Variants in MMP17 observed in about 807,000 individuals in gnomAD.
The protein encoded by MMP17 is matrix metallopeptidase 17.
A neutral mutation model predicts 49.1 loss-of-function variants in MMP17; 54 were observed. The ratio of observed to expected loss-of-function variants is 1.10; its 90% CI spans 0.88 to 1.38. The LOEUF (loss-of-function observed/expected upper bound fraction) is 1.38. MMP17 is among the 40% of genes most tolerant of loss of function. The pLI is 0.00. For missense variants in MMP17, 837 were observed against 853.7 expected (o/e 0.98, Z 0.24); for synonymous variants, 397 against 383.1 (o/e 1.04, Z -0.42).
At chr12:131,844,711 T>C in intron 6 of MMP17, 1 of 239,030 alleles carries the variant, frequency 4.2e-6, no homozygotes, top group Non-Finnish European at 8.4e-6. Flanking sequence ...ACATGCACCT[T>C]GTCCCTGACC....
chr12:131,846,172 C>T lies in MMP17; in HGVS notation c.1204+723C>T, dbSNP rs746268679. ...AGTTTCCCTCACAGTCTGGAGGCCACGAGTCCGAAATCAAGGGCTAGGCAG... is the reference window on the plus strand; with the variant it reads ...AGTTTCCCTCACAGTCTGGAGGCCATGAGTCCGAAATCAAGGGCTAGGCAG... On this transcript the variant is annotated intron_variant, in intron 8 of 9. Coordinates refer to ENST00000360564, the MANE Select transcript of MMP17 (RefSeq NM_016155.7). This position sits in a 1 kb window ranked among gnomAD's most constrained non-coding sequence, Gnocchi z 4.6. 1.8e-4 allele frequency among the ~76,000 whole-genome samples: 28 copies of T among 152,218 alleles called. No individual in the cohort carries two copies. The highest frequency in any genetic ancestry group is 3.4e-3 in the Middle Eastern group (1 of 294).
chr12:131,843,123 C>T (rs1003142194), intron 5 of MMP17, among the ~76,000 whole-genome samples: 6 of 151,714 alleles, frequency 4.0e-5, no homozygotes, highest in Non-Finnish European at 5.9e-5. Context: ...GCCACCACGC[C>T]CGGCTAATTT....
At chr12:131,831,311 G>T (rs374742719) in intron 1 of MMP17, among the ~76,000 whole-genome samples, 2 of 152,188 alleles carry the variant, frequency 1.3e-5, no homozygotes, top group Non-Finnish European at 2.9e-5. Context: ...CCGCGCCCAC[G>T]GCACAGTGGC....
chr12:131,840,861 G>A lies in MMP17; in HGVS notation c.706+5G>A, dbSNP rs778278643. On this transcript the variant is annotated splice_donor_5th_base_variant and intron_variant, in intron 4 of 9. Coordinates refer to ENST00000360564, the MANE Select transcript of MMP17 (RefSeq NM_016155.7). Reference sequence around the variant, plus strand: ...CCTGGACCTTCCGCTCCTCGGGTGCGTCTGGGGCAGCCCTCAGGGCAGAGT... The same window carrying A: ...CCTGGACCTTCCGCTCCTCGGGTGCATCTGGGGCAGCCCTCAGGGCAGAGT... 8.7e-5 allele frequency: 138 copies of A among 1,585,674 alleles called. No individual in the cohort carries two copies. Among genetic ancestry groups the A allele is most frequent in the East Asian group, 1.1e-4 (5 of 44,476 alleles).
chr12:131,844,225 C>A, intron 6 of MMP17, 144 bp downstream of exon 6: 1 of 712,492 alleles, frequency 1.4e-6, no homozygotes, highest in Non-Finnish European at 2.4e-6. Flanking sequence ...GACATTTTGT[C>A]TTTTCTTAAA....
In MMP17 at chr12:131,840,664, C is replaced by T. The variant is rs1405136612; in HGVS notation, c.514C>T (p.Pro172Ser). The T allele has an allele frequency of 6.2e-7, 1 of 1,608,728 alleles. No homozygotes were observed. Among genetic ancestry groups the T allele is most frequent in the South Asian group, 1.1e-5 (1 of 91,092 alleles). Residue 172 changes from proline to serine, a missense_variant, in exon 4 of 10, where the codon CCC becomes TCC. Physicochemically the swap from Pro to Ser is moderately conservative, Grantham distance 74. Transcript: ENST00000360564. ...CCTCAAGGTCTGGAGCGACATTGCGCCCCTGAACTTCCACGAGGTGGCGGG... is the reference window on the plus strand; with the variant it reads ...CCTCAAGGTCTGGAGCGACATTGCGTCCCTGAACTTCCACGAGGTGGCGGG... ...YALKVWSDIA[P>S]LNFHEVAGSA...
intron 1 of MMP17, among the ~76,000 whole-genome samples, chr12:131,832,695 G>A (rs1040224705): frequency 1.3e-5 from 2 of 152,068 alleles, no homozygotes; most frequent in African/African-American, 2.4e-5. Flanking sequence ...CAGGACGGCA[G>A]GGACAGGACG....
chr12:131,851,358 G>A lies in MMP17; in HGVS notation c.*84G>A. 5 of 1,235,092 alleles carry A rather than the reference G, an allele frequency of 4.0e-6. No homozygotes were observed. The highest frequency in any genetic ancestry group is 5.2e-6 in the Non-Finnish European group (5 of 964,364). The allele number at this position is 1,235,092 out of a possible 1,614,324, so 76.5% of individuals were successfully genotyped here. ...AAGGACTGTGCCGGAGTCCCTGGGG[G>A]AGGTGCTGGCGCGGGATGAGGACGG... On this transcript the variant is annotated 3_prime_UTR_variant, in exon 10 of 10. Transcript: ENST00000360564.
In MMP17 at chr12:131,838,226, CG is replaced by C. The variant is rs1453219251; in HGVS notation, c.193del (p.Ala65LeufsTer40). The C allele has an allele frequency of 9.3e-6, 15 of 1,612,908 alleles. No homozygotes were observed. Among genetic ancestry groups the C allele is most frequent in the Non-Finnish European group, 1.3e-5 (15 of 1,179,870 alleles). On this transcript the variant is annotated frameshift_variant, in exon 2 of 10. Transcript: ENST00000360564. Reference protein sequence around the residue: ...EWLSRFGYLPPADPTTGQLQT... With the variant: ...EWLSRFGYLPXADPTTGQLQT... ...CTAAGCAGGTTCGGTTACCTGCCCC[CG>C]GCTGACCCCACAACAGGGCAGCTGC...
chr12:131,830,875 G>T (rs1886758555), intron 1 of MMP17, among the ~76,000 whole-genome samples: 1 of 152,228 alleles, frequency 6.6e-6, no homozygotes, highest in Non-Finnish European at 1.5e-5. Flanking sequence ...CTGTCCCCCC[G>T]GGGGTCCTTG....
At chr12:131,830,128 G>A (rs1886716358) in intron 1 of MMP17, among the ~76,000 whole-genome samples, 1 of 152,242 alleles carries the variant, frequency 6.6e-6, no homozygotes, top group Non-Finnish European at 1.5e-5. Flanking sequence ...ACTCAAGGTG[G>A]GGCCCACACA....
At chr12:131,845,539 C>T in intron 8 of MMP17, 90 bp downstream of exon 8, 1 of 1,435,156 alleles carries the variant, frequency 7.0e-7, no homozygotes, top group Non-Finnish European at 9.2e-7. Flanking sequence ...GCGTGTAAGC[C>T]CTACGTCTGC....
intron 3 of MMP17, among the ~76,000 whole-genome samples, chr12:131,839,713 C>T (rs527272354): frequency 1.3e-5 from 2 of 152,220 alleles, no homozygotes; most frequent in South Asian, 2.1e-4. Flanking sequence ...TTTGGGAGGC[C>T]AAGGCGGGCG....
intron 1 of MMP17, among the ~76,000 whole-genome samples, chr12:131,834,885 A>G (rs1887000860): frequency 6.6e-6 from 1 of 152,058 alleles, no homozygotes; most frequent in South Asian, 2.1e-4. Context: ...TCTTCCCTGC[A>G]GGCTCAGGCC....
rs967794254 is a variant in MMP17, at chr12:131,828,424, G to A, written c.-71G>A. 41 of 880,966 alleles carry A rather than the reference G, an allele frequency of 4.7e-5. No individual in the cohort carries two copies. In the African/African-American group the frequency reaches 7.1e-4, roughly 15 times the overall value. 54.6% of individuals were successfully genotyped at this position (880,966 alleles called of 1,614,324 possible). ...GCGGGGGCGCCGCGGAGAGCGGAGG[G>A]CGCCGGGCTGCGGAACGCGAAGCGG... On this transcript the variant is annotated 5_prime_UTR_variant, in exon 1 of 10. Transcript: ENST00000360564.
intron 5 of MMP17, among the ~76,000 whole-genome samples, chr12:131,842,077 C>T (rs1887446512): frequency 6.6e-6 from 1 of 152,320 alleles, no homozygotes; most frequent in Middle Eastern, 3.4e-3. Flanking sequence ...TCACATTGCA[C>T]GTCTTAAATC....
intron 1 of MMP17, among the ~76,000 whole-genome samples, chr12:131,834,962 C>A (rs1024030339): frequency 6.6e-6 from 1 of 152,216 alleles, no homozygotes; most frequent in Non-Finnish European, 1.5e-5. Context: ...GAGGGCGCCT[C>A]GTGGGCTCAG....
intron 8 of MMP17, 113 bp downstream of exon 8, chr12:131,845,562 C>T (rs1021388094): frequency 4.4e-6 from 6 of 1,355,264 alleles, no homozygotes; most frequent in East Asian, 5.0e-5. Flanking sequence ...AGAGGCTGGT[C>T]GAGCACAGAG....
At chr12:131,831,275 G>A (rs1004221222) in intron 1 of MMP17, among the ~76,000 whole-genome samples, 9 of 152,174 alleles carry the variant, frequency 5.9e-5, no homozygotes, top group Non-Finnish European at 8.8e-5. Context: ...TTCTCCTCTC[G>A]GCAGCACAGC....
Sources: allele counts gnomAD v4.1 joint callset (sites outside exome capture counted in the v4.1 genomes callset), GRCh38; gene constraint gnomAD v4.1.1; non-coding constraint Gnocchi (gnomAD v3.1); transcripts MANE v1.5; gene names NCBI Gene and HGNC (gene_info 2026-07-23, HGNC 2026-07-21).